GPCPD1: variants seen among roughly 807,000 people sequenced by gnomAD.
GPCPD1 encodes glycerophosphocholine phosphodiesterase 1, also known as glycerophosphocholine phosphodiesterase GPCPD1.
GPCPD1 carries 29 observed loss-of-function variants against 89.2 expected under a neutral mutation model. The ratio of observed to expected loss-of-function variants is 0.33; its 90% CI spans 0.24 to 0.44. The LOEUF (loss-of-function observed/expected upper bound fraction) is 0.44, where lower values mean the gene tolerates loss of function less well. Ranked by LOEUF, GPCPD1 falls within the 20% of genes least tolerant of loss-of-function variation. The probability of loss-of-function intolerance (pLI) is 1.00; values close to 1 mark genes in which losing one functional copy is unlikely to be tolerated. For synonymous variants in GPCPD1, 258 were observed against 266.3 expected (o/e 0.97, Z 0.30); for missense variants, 594 against 808.9 (o/e 0.73, Z 3.22).
In GPCPD1 at chr20:5,565,090, A is replaced by G. The variant is rs1202116962; in HGVS notation, c.1268-12T>C. ...CTGAACCACAGATTCTGAAATTTTA[A>G]AACACAAAATCTCAGTAAATAAAAT... On this transcript the variant is annotated splice_polypyrimidine_tract_variant and intron_variant, in intron 14 of 19. Coordinates refer to ENST00000379019, the MANE Select transcript of GPCPD1 (RefSeq NM_019593.5). The G allele has an allele frequency of 2.1e-6, 3 of 1,419,106 alleles. No homozygotes were observed. The highest frequency in any genetic ancestry group is 3.0e-6 in the Non-Finnish European group (3 of 1,003,314). The allele number at this position is 1,419,106 out of a possible 1,614,324, so 87.9% of individuals were successfully genotyped here.
chr20:5,550,899 T>C (rs1220899871), intron 19 of GPCPD1, among the ~76,000 whole-genome samples: 4 of 152,116 alleles, frequency 2.6e-5, no homozygotes, highest in Non-Finnish European at 1.5e-5. Flanking sequence ...CTGTGCACAA[T>C]CAACCAATCA....
chr20:5,551,750 G>A (rs1985422115), intron 19 of GPCPD1, among the ~76,000 whole-genome samples: 1 of 152,074 alleles, frequency 6.6e-6, no homozygotes, highest in Admixed American at 6.6e-5. Flanking sequence ...CAGCCTGGGT[G>A]ACAAAGACTC....
chr20:5,607,193 G>A lies in GPCPD1; in HGVS notation c.-28-2753C>T, dbSNP rs556164615. Among the ~76,000 whole-genome samples, 31 of 152,156 alleles carry A rather than the reference G, an allele frequency of 2.0e-4. 1 individual carries two copies. The highest frequency in any genetic ancestry group is 1.9e-3 in the Admixed American group (29 of 15,270). ...TCCCAGCTACCCAGGAGGTTGAGGC[G>A]GGAGAATCACTTGAACCTGGGAGGC... On this transcript the variant is annotated intron_variant, in intron 1 of 19. Coordinates refer to ENST00000379019, the MANE Select transcript of GPCPD1 (RefSeq NM_019593.5).
chr20:5,580,940 C>A (rs1747547836), intron 6 of GPCPD1, among the ~76,000 whole-genome samples: 1 of 150,604 alleles, frequency 6.6e-6, no homozygotes, highest in Non-Finnish European at 1.5e-5. Flanking sequence ...GTGGCACGAT[C>A]TCAACTCACT....
chr20:5,576,018 T>G, intron 8 of GPCPD1, 40 bp from the exon 9 acceptor site: 1 of 1,156,048 alleles, frequency 8.7e-7, no homozygotes, highest in Non-Finnish European at 1.3e-6. Flanking sequence ...ATTTTTAAAC[T>G]TCTACATTAC....
chr20:5,581,020 C>G (rs1037684852), intron 6 of GPCPD1, among the ~76,000 whole-genome samples: 1 of 151,832 alleles, frequency 6.6e-6, no homozygotes, highest in African/African-American at 2.4e-5. Context: ...ATTATAGGCG[C>G]CCACCATGCC....
intron 3 of GPCPD1, among the ~76,000 whole-genome samples, chr20:5,597,734 G>A (rs1348011956): frequency 6.6e-6 from 1 of 152,164 alleles, no homozygotes. Flanking sequence ...TCATGCAGAT[G>A]AGGTAACTGA....
At chr20:5,573,137 G>A (rs376359223) in intron 11 of GPCPD1, among the ~76,000 whole-genome samples, 6 of 149,636 alleles carry the variant, frequency 4.0e-5, no homozygotes, top group African/African-American at 1.5e-4. Context: ...GCTGGAAAAC[G>A]GTGGCATGAT....
intron 12 of GPCPD1, among the ~76,000 whole-genome samples, chr20:5,568,642 C>T (rs1438283878): frequency 1.3e-5 from 2 of 152,126 alleles, no homozygotes; most frequent in African/African-American, 2.4e-5. Flanking sequence ...CAGTGGCTCA[C>T]ATCTGTAATC....
chr20:5,580,156 G>T, intron 6 of GPCPD1, 25 bp from the exon 7 acceptor site: 1 of 1,283,316 alleles, frequency 7.8e-7, no homozygotes, highest in Non-Finnish European at 1.1e-6. Context: ...ATGAAGAACA[G>T]TAATTATTAT....
intron 10 of GPCPD1, among the ~76,000 whole-genome samples, chr20:5,574,303 T>G (rs1028558538): frequency 6.6e-6 from 1 of 152,206 alleles, no homozygotes; most frequent in African/African-American, 2.4e-5. Flanking sequence ...CATAGAAACC[T>G]GCTCCTTGCA....
intron 1 of GPCPD1, among the ~76,000 whole-genome samples, chr20:5,608,294 G>A (rs1306971553): frequency 3.9e-5 from 6 of 152,048 alleles, no homozygotes; most frequent in Non-Finnish European, 8.8e-5. Context: ...ATATACACAA[G>A]CACAAAAACA....
At chr20:5,567,453 A>G (rs1395962195) in intron 13 of GPCPD1, 30 bp downstream of exon 13, 1 of 1,553,820 alleles carries the variant, frequency 6.4e-7, no homozygotes, top group African/African-American at 1.4e-5. Flanking sequence ...AAGCTAAGGG[A>G]TAATTTACAT....
At chr20:5,560,102 AG>A in intron 16 of GPCPD1, 26 bp from the exon 17 acceptor site, 2 of 1,495,114 alleles carry the variant, frequency 1.3e-6, no homozygotes, top group Non-Finnish European at 1.8e-6. Flanking sequence ...GCAAAATAAA[AG>A]TCACTGCACA....
chr20:5,575,707 T>A (rs1443572067), intron 9 of GPCPD1, 109 bp downstream of exon 9: 2 of 900,988 alleles, frequency 2.2e-6, no homozygotes, highest in East Asian at 5.0e-5. Flanking sequence ...CTTAAATTGA[T>A]ACTAAAGCAA....
At chr20:5,557,383 G>A (rs1184589669) in intron 19 of GPCPD1, among the ~76,000 whole-genome samples, 2 of 152,224 alleles carry the variant, frequency 1.3e-5, no homozygotes, top group East Asian at 3.8e-4. Context: ...AACTTGGTGA[G>A]TAGTCTGATT....
chr20:5,600,703 G>T (rs1284140364), intron 2 of GPCPD1, among the ~76,000 whole-genome samples: 1 of 152,124 alleles, frequency 6.6e-6, no homozygotes. Context: ...GTGGTAGCAG[G>T]CACCTGTAAT....
intron 19 of GPCPD1, chr20:5,548,456 A>G (rs989494481): frequency 6.6e-6 from 1 of 152,226 alleles, no homozygotes; most frequent in African/African-American, 2.4e-5. Flanking sequence ...GTAGGAAAGA[A>G]TTTTTTCAAC....
chr20:5,578,336 T>C (rs754708838), intron 8 of GPCPD1, 44 bp downstream of exon 8: 5 of 1,131,586 alleles, frequency 4.4e-6, no homozygotes, highest in Non-Finnish European at 4.1e-6. Context: ...AATAAGCTTG[T>C]CCCTGCATTC....
Sources: allele counts gnomAD v4.1 joint callset (sites outside exome capture counted in the v4.1 genomes callset), GRCh38; gene constraint gnomAD v4.1.1; transcripts MANE v1.5; gene names NCBI Gene and HGNC (gene_info 2026-07-23, HGNC 2026-07-21).